The following TRPM3 variants were observed in gnomAD, a reference collection of about 807,000 sequenced individuals.
The protein encoded by TRPM3 is transient receptor potential cation channel subfamily M member 3.
A neutral mutation model predicts 181.2 loss-of-function variants in TRPM3; 77 were observed. The observed-to-expected ratio is 0.42, with a 90% CI of 0.35 to 0.51. The LOEUF is 0.51. TRPM3 is among the 20% of genes least tolerant of loss of function. The pLI is 0.01. For synonymous variants in TRPM3, 745 were observed against 796.4 expected (o/e 0.94, Z 1.09); for missense variants, 1,759 against 2,196.7 (o/e 0.80, Z 3.98).
intron 1 of TRPM3, among the ~76,000 whole-genome samples, chr9:71,322,854 T>C (rs1405016565): frequency 6.6e-6 from 1 of 152,142 alleles, no homozygotes; most frequent in African/African-American, 2.4e-5. Context: ...AGGCAAACCA[T>C]AAATTAAGTA....
intron 22 of TRPM3, among the ~76,000 whole-genome samples, chr9:70,562,682 A>C (rs2049427977): frequency 6.6e-6 from 1 of 151,342 alleles, no homozygotes; most frequent in African/African-American, 2.4e-5. Context: ...ATTCCCTGTT[A>C]CTTGGTTCCA....
chr9:70,625,137 T>C lies in TRPM3; in HGVS notation c.1809+54A>G. The C allele has an allele frequency of 6.3e-7, 1 of 1,592,376 alleles. No homozygotes were observed. Among genetic ancestry groups the C allele is most frequent in the Non-Finnish European group, 8.6e-7 (1 of 1,165,952 alleles). Reference sequence around the variant, plus strand: ...GGAGACAAAGAAGCCACAACCCAAATCCCATACACCCTAGTCCTCCCAGGA... The same window carrying C: ...GGAGACAAAGAAGCCACAACCCAAACCCCATACACCCTAGTCCTCCCAGGA... On this transcript the variant is annotated intron_variant, in intron 14 of 25. Coordinates refer to ENST00000677713, the MANE Select transcript of TRPM3 (RefSeq NM_001366145.2). This position sits in a 1 kb window ranked among gnomAD's most constrained non-coding sequence, Gnocchi z 4.8.
chr9:71,431,658 C>A (rs1325793469), intron 1 of TRPM3, among the ~76,000 whole-genome samples: 1 of 152,142 alleles, frequency 6.6e-6, no homozygotes, highest in African/African-American at 2.4e-5. Context: ...TATTTGAATT[C>A]TTTCTCTACC....
At chr9:71,200,972 T>A (rs900193793) in intron 1 of TRPM3, among the ~76,000 whole-genome samples, 45 of 152,078 alleles carry the variant, frequency 3.0e-4, no homozygotes, top group South Asian at 6.2e-4. Context: ...CTAGCCTCGA[T>A]GGTCTTTACA....
At chr9:71,315,300 A>T (rs1191132854) in intron 1 of TRPM3, among the ~76,000 whole-genome samples, 1 of 152,198 alleles carries the variant, frequency 6.6e-6, no homozygotes, top group Admixed American at 6.5e-5. Flanking sequence ...ACATTCACAC[A>T]TGAACTTTTA....
intron 1 of TRPM3, among the ~76,000 whole-genome samples, chr9:71,164,170 A>G (rs2076413714): frequency 6.6e-6 from 1 of 152,228 alleles, no homozygotes; most frequent in African/African-American, 2.4e-5. Context: ...TCATGTCACC[A>G]GTTGGCTGGA....
intron 12 of TRPM3, among the ~76,000 whole-genome samples, chr9:70,632,092 G>T (rs997646692): frequency 1.3e-5 from 2 of 152,058 alleles, no homozygotes; most frequent in Non-Finnish European, 2.9e-5. Flanking sequence ...CCCCATAATT[G>T]TAAAGAAGAA....
intron 1 of TRPM3, among the ~76,000 whole-genome samples, chr9:71,028,552 C>T (rs1440604474): frequency 2.6e-5 from 4 of 151,344 alleles, no homozygotes; most frequent in Non-Finnish European, 5.9e-5. Flanking sequence ...TAGTGATATG[C>T]TATCTTCAAG....
At chr9:70,748,613 A>G (rs1205456899) in intron 8 of TRPM3, among the ~76,000 whole-genome samples, 1 of 152,096 alleles carries the variant, frequency 6.6e-6, no homozygotes. Flanking sequence ...TAGTGCCCTT[A>G]CGAAAAAGGC....
intron 1 of TRPM3, among the ~76,000 whole-genome samples, chr9:71,259,726 C>A (rs552249129): frequency 5.3e-4 from 81 of 152,174 alleles, no homozygotes; most frequent in Middle Eastern, 3.4e-3. Flanking sequence ...TCTTTGCCCA[C>A]TTTTTGATGG....
At chr9:70,997,489 C>T (rs1317208595) in intron 1 of TRPM3, among the ~76,000 whole-genome samples, 2 of 152,204 alleles carry the variant, frequency 1.3e-5, no homozygotes, top group East Asian at 3.8e-4. Context: ...GCCACCGCGC[C>T]CGGCCCTATC....
At chr9:71,115,027 C>A (rs193025864) in intron 1 of TRPM3, among the ~76,000 whole-genome samples, 6 of 152,256 alleles carry the variant, frequency 3.9e-5, no homozygotes, top group Admixed American at 3.3e-4. Context: ...CAGAGCAGGG[C>A]AGCTGAACTC....
chr9:71,310,793 A>T (rs1304255204), intron 1 of TRPM3, among the ~76,000 whole-genome samples: 1 of 152,166 alleles, frequency 6.6e-6, no homozygotes, highest in Non-Finnish European at 1.5e-5. Flanking sequence ...ACCCTGAGTA[A>T]CACACTTTAC....
chr9:71,119,040 C>G (rs1236697263), intron 1 of TRPM3, among the ~76,000 whole-genome samples: 1 of 152,102 alleles, frequency 6.6e-6, no homozygotes, highest in Non-Finnish European at 1.5e-5. Context: ...GAAAAAAATA[C>G]ATAGCATTCA....
At chr9:70,830,658 T>G (rs2093831993) in intron 5 of TRPM3, among the ~76,000 whole-genome samples, 1 of 152,234 alleles carries the variant, frequency 6.6e-6, no homozygotes, top group African/African-American at 2.4e-5. Flanking sequence ...AAAGATGTGC[T>G]GAATCGTGGA....
At chr9:71,135,152 T>C (rs982352246) in intron 1 of TRPM3, among the ~76,000 whole-genome samples, 5 of 152,350 alleles carry the variant, frequency 3.3e-5, no homozygotes, top group Middle Eastern at 3.4e-3. Flanking sequence ...TAGGCAGGAA[T>C]GCTCATAATG....
chr9:70,619,079 C>A lies in TRPM3; in HGVS notation c.2146G>T (p.Ala716Ser). The change falls in exon 17 of 26, where the codon GCT (alanine) becomes TCT (serine). Residue 716 changes from alanine (A) to serine (S), a missense_variant. Ala to Ser is a moderately conservative substitution (Grantham distance 99). Coordinates refer to ENST00000677713, the MANE Select transcript of TRPM3 (RefSeq NM_001366145.2). ...TAGGACTGGTCCAGGAGCTCCACAGCCAGCTGGCCAAAGTCTCTGAAAGAC... is the reference window on the plus strand; with the variant it reads ...TAGGACTGGTCCAGGAGCTCCACAGACAGCTGGCCAAAGTCTCTGAAAGAC... ...NHNSRDFGQL[A>S]VELLDQSYKQ... 1 of 1,613,196 alleles carries A rather than the reference C, an allele frequency of 6.2e-7. No homozygotes were observed. The highest frequency in any genetic ancestry group is 8.5e-7 in the Non-Finnish European group (1 of 1,179,576).
At chr9:71,204,207 C>T (rs1272080611) in intron 1 of TRPM3, among the ~76,000 whole-genome samples, 1 of 151,002 alleles carries the variant, frequency 6.6e-6, no homozygotes, top group Admixed American at 6.6e-5. Flanking sequence ...CCAAAATTGA[C>T]AAATGGGATC....
chr9:70,873,114 A>T (rs900215638), intron 1 of TRPM3, among the ~76,000 whole-genome samples: 1 of 151,956 alleles, frequency 6.6e-6, no homozygotes, highest in Non-Finnish European at 1.5e-5. Flanking sequence ...TGATTTTTGG[A>T]TAAGAGAAAA....
Sources: allele counts gnomAD v4.1 joint callset (sites outside exome capture counted in the v4.1 genomes callset), GRCh38; gene constraint gnomAD v4.1.1; non-coding constraint Gnocchi (gnomAD v3.1); transcripts MANE v1.5; gene names NCBI Gene and HGNC (gene_info 2026-07-23, HGNC 2026-07-21).